Variants in YY1AP1 observed in about 807,000 individuals in gnomAD.
YY1AP1 encodes YY1-associated protein 1.
In YY1AP1, 43 loss-of-function variants were observed where a neutral mutation model predicts 39.9. The observed-to-expected ratio is 1.08, with a 90% CI of 0.84 to 1.39. The LOEUF (loss-of-function observed/expected upper bound fraction) is 1.39, where lower values mean the gene tolerates loss of function less well. Ranked by LOEUF, YY1AP1 falls within the 40% of genes most tolerant of loss-of-function variation. The pLI, the probability that YY1AP1 is intolerant of heterozygous loss-of-function variation, is 0.00. For missense variants in YY1AP1, 813 were observed against 900.7 expected, an observed-to-expected ratio of 0.90 and a Z score of 1.25; for synonymous variants, 292 against 331.3, an observed-to-expected ratio of 0.88 and a Z score of 1.29.
intron 8 of YY1AP1, 143 bp downstream of exon 8, chr1:155,670,177 G>T: frequency 9.1e-7 from 1 of 1,101,048 alleles, no homozygotes; most frequent in Non-Finnish European, 1.3e-6. Context: ...GCTAGAACAA[G>T]CACGTTCTAG....
intron 8 of YY1AP1, among the ~76,000 whole-genome samples, chr1:155,669,458 C>T (rs1649530152): frequency 6.6e-6 from 1 of 151,944 alleles, no homozygotes; most frequent in Admixed American, 6.6e-5. Context: ...TCAAATAGTT[C>T]ACAATTAAGT....
intron 5 of YY1AP1, among the ~76,000 whole-genome samples, chr1:155,675,334 T>A (rs905597878): frequency 6.6e-6 from 1 of 151,254 alleles, no homozygotes; most frequent in African/African-American, 2.4e-5. Context: ...TTATTATTAT[T>A]ATTATTATTT....
intron 2 of YY1AP1, among the ~76,000 whole-genome samples, chr1:155,683,428 C>A (rs895862404): frequency 5.9e-5 from 9 of 151,730 alleles, no homozygotes; most frequent in Non-Finnish European, 1.2e-4. Flanking sequence ...GCAGGTGGAT[C>A]ACTTGAGGTC....
At chr1:155,673,835 G>A (rs1201150455) in intron 6 of YY1AP1, among the ~76,000 whole-genome samples, 3 of 151,988 alleles carry the variant, frequency 2.0e-5, no homozygotes, top group Non-Finnish European at 4.4e-5. Context: ...CTACAGGCAT[G>A]AGCCACCATA....
chr1:155,679,732 C>G, intron 3 of YY1AP1: 3 of 985,056 alleles, frequency 3.0e-6, no homozygotes, highest in South Asian at 9.4e-5. Context: ...CAACTTGTAT[C>G]AGTAAGCACA....
intron 9 of YY1AP1, among the ~76,000 whole-genome samples, chr1:155,665,655 G>A (rs2149032535): frequency 6.6e-6 from 1 of 151,810 alleles, no homozygotes; most frequent in South Asian, 2.1e-4. Flanking sequence ...TCTCACGCCT[G>A]TAATCCCCGC....
At chr1:155,675,133 T>C (rs1650452555) in intron 5 of YY1AP1, 37 bp from the exon 6 acceptor site, 2 of 1,581,424 alleles carry the variant, frequency 1.3e-6, no homozygotes, top group Non-Finnish European at 1.7e-6. Context: ...TGATATGTTA[T>C]GACACTGCCA....
intron 7 of YY1AP1, 100 bp downstream of exon 7, chr1:155,672,460 C>T: frequency 1.0e-5 from 15 of 1,474,154 alleles, no homozygotes; most frequent in Non-Finnish European, 1.4e-5. Context: ...CCTGTGTCCT[C>T]CATTCCTAGG....
At chr1:155,663,386 A>T (rs1558300227) in intron 9 of YY1AP1, among the ~76,000 whole-genome samples, 1 of 140,698 alleles carries the variant, frequency 7.1e-6, no homozygotes, top group Non-Finnish European at 1.5e-5. Context: ...AAAAAAAAAA[A>T]TTATTTCTGC....
intron 9 of YY1AP1, among the ~76,000 whole-genome samples, chr1:155,662,424 G>A (rs1648304414): frequency 6.6e-6 from 1 of 151,810 alleles, no homozygotes; most frequent in African/African-American, 2.4e-5. Flanking sequence ...CTGGCAGTGG[G>A]GGTGGTAGGG....
chr1:155,688,552 C>T (rs1452398786), intron 1 of YY1AP1, 107 bp downstream of exon 1: 17 of 1,539,648 alleles, frequency 1.1e-5, no homozygotes, highest in South Asian at 3.6e-5. Context: ...GGCCGTCCTG[C>T]GAGCCAGCCA....
chr1:155,659,858 G>A lies in YY1AP1; in HGVS notation c.2052C>T (p.Val684=), dbSNP rs201169109. The A allele has an allele frequency of 1.6e-5, 26 of 1,614,176 alleles. No individual in the cohort carries two copies. The highest frequency in any genetic ancestry group is 2.7e-5 in the African/African-American group (2 of 75,028). The change falls in exon 11 of 11, where the codon GTC becomes GTT. Residue 684 remains valine, a synonymous_variant. Coordinates refer to ENST00000355499, the MANE Select transcript of YY1AP1 (RefSeq NM_139119.3). Reference sequence around the variant, plus strand: ...ACAATCCTTCTTGGCACTGTTTATCGACTGGTGGAGGCCCTGGGCTATGTT... The same window carrying A: ...ACAATCCTTCTTGGCACTGTTTATCAACTGGTGGAGGCCCTGGGCTATGTT... ...KVEHSPGPPP[V]DKQCQEGLSE...
chr1:155,674,694 T>C (rs1650373469), intron 6 of YY1AP1: 1 of 217,632 alleles, frequency 4.6e-6, no homozygotes. Flanking sequence ...CCCGTGGTGG[T>C]GCCCGCCTGT....
chr1:155,661,383 C>G lies in YY1AP1; in HGVS notation c.920G>C (p.Cys307Ser). 6.2e-7 allele frequency: 1 copy of G among 1,613,910 alleles called. No homozygotes were observed. The highest frequency in any genetic ancestry group is 8.5e-7 in the Non-Finnish European group (1 of 1,179,842). The change falls in exon 10 of 11, where the codon TGC becomes TCC. Residue 307 changes from cysteine (C) to serine (S), a missense_variant. Coordinates refer to ENST00000355499, the MANE Select transcript of YY1AP1 (RefSeq NM_139119.3). ...KTKQLPVLGK[C>S]CEEIQPHQWK... ...CTGATGTGGCTGGATCTCTTCACAGCATTTTCCTAGGACTGGCAGCTGTTT... is the reference window on the plus strand; with the variant it reads ...CTGATGTGGCTGGATCTCTTCACAGGATTTTCCTAGGACTGGCAGCTGTTT...
chr1:155,670,988 G>A (rs1018700245), intron 7 of YY1AP1: 9 of 158,224 alleles, frequency 5.7e-5, no homozygotes, highest in African/African-American at 7.2e-5. Context: ...TCTTTCTTAC[G>A]TGTAACACTT....
intron 5 of YY1AP1, among the ~76,000 whole-genome samples, chr1:155,675,601 G>A (rs1263596149): frequency 6.6e-6 from 1 of 151,524 alleles, no homozygotes; most frequent in Non-Finnish European, 1.5e-5. Flanking sequence ...TGGGATTACA[G>A]GTGTGAGCCA....
intron 8 of YY1AP1, among the ~76,000 whole-genome samples, chr1:155,669,887 G>A (rs1036582761): frequency 6.6e-6 from 1 of 152,182 alleles, no homozygotes; most frequent in Non-Finnish European, 1.5e-5. Flanking sequence ...GCCATGTATG[G>A]TGGCACACGC....
At chr1:155,666,002 A>G (rs141398933) in intron 9 of YY1AP1, among the ~76,000 whole-genome samples, 3 of 152,274 alleles carry the variant, frequency 2.0e-5, no homozygotes, top group Non-Finnish European at 4.4e-5. Context: ...TGAAAGTGAC[A>G]GAATATCTAG....
At chr1:155,662,166 G>GA (rs76264478) in intron 9 of YY1AP1, among the ~76,000 whole-genome samples, 62 of 137,858 alleles carry the variant, frequency 4.5e-4, no homozygotes, top group African/African-American at 8.1e-4. Context: ...AGAAGGGAAG[G>GA]AAAAAAAAAA....
Sources: gnomAD v4.1 joint callset for allele counts (sites outside exome capture counted in the v4.1 genomes callset) on GRCh38, gnomAD v4.1.1 for gene constraint, MANE v1.5 for transcripts, NCBI Gene and HGNC (gene_info 2026-07-23, HGNC 2026-07-21) for gene names.